Variants in SUPT3H observed in about 807,000 individuals in gnomAD.
The protein encoded by SUPT3H is transcription initiation protein SPT3 homolog.
In SUPT3H, 44 loss-of-function variants were observed where a neutral mutation model predicts 44.3. The observed-to-expected ratio is 0.99, with a 90% CI of 0.78 to 1.28. SUPT3H has a LOEUF of 1.28. Ranked by LOEUF, SUPT3H falls within the 50% of genes most tolerant of loss-of-function variation. SUPT3H has a pLI of 0.00. For missense variants in SUPT3H, 380 were observed against 387.1 expected (o/e 0.98, Z 0.15); for synonymous variants, 124 against 125.6 (o/e 0.99, Z 0.09).
At chr6:44,980,334 T>C (rs1203202323) in intron 6 of SUPT3H, among the ~76,000 whole-genome samples, 3 of 151,812 alleles carry the variant, frequency 2.0e-5, no homozygotes, top group Non-Finnish European at 1.5e-5. Context: ...TGAAACAACA[T>C]ATAACAAAAT....
intron 7 of SUPT3H, among the ~76,000 whole-genome samples, chr6:44,957,210 C>T (rs1475608948): frequency 6.6e-6 from 1 of 152,134 alleles, no homozygotes; most frequent in East Asian, 1.9e-4. Flanking sequence ...ATATTTTGAT[C>T]CTTCTATATA....
At chr6:45,327,922 C>G in intron 2 of SUPT3H, among the ~76,000 whole-genome samples, 1 of 151,862 alleles carries the variant, frequency 6.6e-6, no homozygotes, top group East Asian at 1.9e-4. Flanking sequence ...CAATTTTGTT[C>G]ATTTTTCCAC....
intron 6 of SUPT3H, among the ~76,000 whole-genome samples, chr6:44,998,428 T>C (rs983416158): frequency 6.6e-6 from 1 of 151,966 alleles, no homozygotes; most frequent in African/African-American, 2.4e-5. Flanking sequence ...TCTATGGCTA[T>C]ATCATTATTC....
chr6:45,132,249 C>T (rs1803585561), intron 2 of SUPT3H, among the ~76,000 whole-genome samples: 3 of 152,252 alleles, frequency 2.0e-5, no homozygotes, highest in Middle Eastern at 6.8e-3. Flanking sequence ...TGGAAGCTGT[C>T]CAAACTGAGA....
At position 45,252,107 on chromosome 6, in the gene SUPT3H, A is replaced by G. The variant is rs192117126; in HGVS notation, c.101+113094T>C. 2.5e-3 allele frequency among the ~76,000 whole-genome samples: 386 copies of G among 152,298 alleles called. 4 individuals carry two copies. Among genetic ancestry groups the G allele is most frequent in the African/African-American group, 8.3e-3 (346 of 41,576 alleles). Reference sequence around the variant, plus strand: ...TTAAAACAAGAATGGATGAGAAAATACTGCAAATGTTTATTGATTCTCAAC... The same window carrying G: ...TTAAAACAAGAATGGATGAGAAAATGCTGCAAATGTTTATTGATTCTCAAC... On this transcript the variant is annotated intron_variant, in intron 2 of 10. Transcript: ENST00000371459.
chr6:45,234,366 A>G (rs1464408192), intron 2 of SUPT3H, among the ~76,000 whole-genome samples: 1 of 151,908 alleles, frequency 6.6e-6, no homozygotes, highest in African/African-American at 2.4e-5. Context: ...CCCTGTCTCT[A>G]CTAATACTAC....
At chr6:44,916,699 T>C (rs1163657277) in intron 10 of SUPT3H, among the ~76,000 whole-genome samples, 2 of 152,184 alleles carry the variant, frequency 1.3e-5, no homozygotes, top group African/African-American at 4.8e-5. Context: ...AAGGGTACTA[T>C]TGGCAAACTA....
intron 2 of SUPT3H, among the ~76,000 whole-genome samples, chr6:45,201,149 G>A (rs1762406986): frequency 6.6e-6 from 1 of 151,572 alleles, no homozygotes; most frequent in Non-Finnish European, 1.5e-5. Flanking sequence ...TTAAGCTTAA[G>A]TGAATGATAC....
intron 10 of SUPT3H, among the ~76,000 whole-genome samples, chr6:44,884,315 C>T (rs545744797): frequency 6.6e-5 from 10 of 152,106 alleles, no homozygotes; most frequent in African/African-American, 1.4e-4. Flanking sequence ...TACCATCTCA[C>T]GCCAGTTAGA....
intron 2 of SUPT3H, among the ~76,000 whole-genome samples, chr6:45,132,641 T>C (rs1294656355): frequency 1.3e-5 from 2 of 152,214 alleles, no homozygotes; most frequent in Non-Finnish European, 2.9e-5. Context: ...TTATTGATGA[T>C]TCTTCCAATA....
At chr6:45,171,890 G>A (rs1054760510) in intron 2 of SUPT3H, among the ~76,000 whole-genome samples, 1 of 150,972 alleles carries the variant, frequency 6.6e-6, no homozygotes, top group Non-Finnish European at 1.5e-5. Context: ...GCTAATTTTT[G>A]TATTTTAAGT....
intron 2 of SUPT3H, among the ~76,000 whole-genome samples, chr6:45,239,001 C>T (rs1393609078): frequency 1.3e-5 from 2 of 152,098 alleles, no homozygotes; most frequent in East Asian, 3.9e-4. Context: ...CAGATGGGTC[C>T]AGTAATAGTA....
At chr6:45,275,701 T>C (rs1482211645) in intron 2 of SUPT3H, among the ~76,000 whole-genome samples, 3 of 152,126 alleles carry the variant, frequency 2.0e-5, no homozygotes, top group Admixed American at 6.5e-5. Context: ...TATTTATACT[T>C]TGGTTAGGTA....
intron 2 of SUPT3H, among the ~76,000 whole-genome samples, chr6:45,333,193 T>A (rs1037194563): frequency 1.3e-5 from 2 of 151,680 alleles, no homozygotes; most frequent in African/African-American, 4.8e-5. Context: ...TCAAAAAGAT[T>A]ATGAAATTCA....
In SUPT3H at chr6:45,105,985, T is replaced by C; in HGVS notation, c.123A>G (p.Arg41=). The change falls in exon 3 of 11, where the codon AGA becomes AGG. Residue 41 remains arginine (R), a synonymous_variant. Transcript: ENST00000371459. ...AAACTGCTGTTTCATGAAGAGGCCT[T>C]CTAGCATCACCTAAAGAATACCTGC... ...QSMMYSLGDA[R]RPLHETAVLV... 1 of 1,613,748 alleles carries C rather than the reference T, an allele frequency of 6.2e-7. No individual in the cohort carries two copies. The highest frequency in any genetic ancestry group is 8.5e-7 in the Non-Finnish European group (1 of 1,179,814).
At chr6:45,003,474 C>T (rs867512263) in intron 6 of SUPT3H, among the ~76,000 whole-genome samples, 179 bp downstream of exon 6, 2 of 152,150 alleles carry the variant, frequency 1.3e-5, no homozygotes, top group Non-Finnish European at 2.9e-5. Context: ...AAAGTTGATG[C>T]TGAAGGCAGA....
At chr6:45,012,097 G>GT (rs369337555) in intron 5 of SUPT3H, among the ~76,000 whole-genome samples, 3,252 of 134,290 alleles carry the variant, frequency 0.024, 118 homozygotes, top group African/African-American at 0.08. Flanking sequence ...TTTTTTGTCT[G>GT]TTTTTTTTTT....
At chr6:45,080,187 T>C (rs1001638644) in intron 3 of SUPT3H, among the ~76,000 whole-genome samples, 3 of 152,086 alleles carry the variant, frequency 2.0e-5, no homozygotes, top group Non-Finnish European at 4.4e-5. Flanking sequence ...CACAAGTATA[T>C]GAAAAAGTGC....
At chr6:44,876,600 A>C (rs1777321065) in intron 10 of SUPT3H, among the ~76,000 whole-genome samples, 1 of 150,592 alleles carries the variant, frequency 6.6e-6, no homozygotes, top group South Asian at 2.1e-4. Context: ...ACATGTATAC[A>C]TATGTAACTA....
Sources: allele counts gnomAD v4.1 joint callset (sites outside exome capture counted in the v4.1 genomes callset), GRCh38; gene constraint gnomAD v4.1.1; transcripts MANE v1.5; gene names NCBI Gene and HGNC (gene_info 2026-07-23, HGNC 2026-07-21).